ANKRD11: variants seen among roughly 807,000 people sequenced by gnomAD.
ANKRD11 encodes the protein ankyrin repeat domain-containing protein 11.
In ANKRD11, 17 loss-of-function variants were observed where a neutral mutation model predicts 195.7. The observed-to-expected ratio is 0.09, with a 90% CI of 0.06 to 0.13. The LOEUF is 0.13. Among genes scored for constraint, ANKRD11 ranks in the 10% least tolerant of loss-of-function variants. The pLI is 1.00. For missense variants in ANKRD11, 3,735 were observed against 3,566.1 expected, an observed-to-expected ratio of 1.05 and a Z score of -1.21; for synonymous variants, 1,953 against 1,528.1, an observed-to-expected ratio of 1.28 and a Z score of -6.49.
intron 1 of ANKRD11, among the ~76,000 whole-genome samples, chr16:89,468,671 C>T (rs1157011614): frequency 6.6e-6 from 1 of 152,122 alleles, no homozygotes; most frequent in Non-Finnish European, 1.5e-5. Context: ...CGCGCCACTG[C>T]ACTCCAGCCT....
intron 2 of ANKRD11, among the ~76,000 whole-genome samples, chr16:89,387,692 G>GAAAAAAAA (rs920498026): frequency 1.5e-5 from 1 of 67,494 alleles, no homozygotes; most frequent in Non-Finnish European, 3.1e-5. Context: ...AAAAGAAAAA[G>GAAAAAAAA]AAAAAAAAAA....
chr16:89,427,901 T>TAAA (rs1198673082), intron 1 of ANKRD11, among the ~76,000 whole-genome samples: 1 of 152,152 alleles, frequency 6.6e-6, no homozygotes, highest in African/African-American at 2.4e-5. Context: ...ACAGTTTTTT[T>TAAA]AAACTCTTTA....
chr16:89,293,844 C>T (rs1486952345), intron 4 of ANKRD11, among the ~76,000 whole-genome samples: 2 of 152,058 alleles, frequency 1.3e-5, no homozygotes, highest in South Asian at 2.1e-4. Context: ...ATCAAAGGAC[C>T]CTAGGAGGCG....
chr16:89,347,805 AC>A (rs1274182358), intron 2 of ANKRD11, among the ~76,000 whole-genome samples: 2 of 152,176 alleles, frequency 1.3e-5, no homozygotes. Flanking sequence ...ATTAGGAAAA[AC>A]ATATTCAGTT....
At chr16:89,321,480 G>A (rs1361750148) in intron 2 of ANKRD11, among the ~76,000 whole-genome samples, 3 of 150,878 alleles carry the variant, frequency 2.0e-5, no homozygotes, top group Non-Finnish European at 4.4e-5. Context: ...CTGTGGGGCC[G>A]GGTGGGGAGC....
intron 2 of ANKRD11, among the ~76,000 whole-genome samples, chr16:89,332,009 G>A (rs1357810815): frequency 6.6e-6 from 1 of 152,080 alleles, no homozygotes; most frequent in Non-Finnish European, 1.5e-5. Flanking sequence ...AAACTCAGTA[G>A]CATGCAGTGG....
chr16:89,368,078 A>C (rs1229453540), intron 2 of ANKRD11, among the ~76,000 whole-genome samples: 1 of 152,232 alleles, frequency 6.6e-6, no homozygotes, highest in African/African-American at 2.4e-5. Context: ...AACCCTGTTT[A>C]TCTGATTTCT....
intron 1 of ANKRD11, among the ~76,000 whole-genome samples, chr16:89,471,621 C>A (rs111471343): frequency 0.036 from 5,395 of 151,782 alleles, 343 homozygotes; most frequent in African/African-American, 0.12. Context: ...CTCCTCTCTA[C>A]TAAAAATACA....
chr16:89,425,489 A>G (rs2042679838), intron 1 of ANKRD11, among the ~76,000 whole-genome samples: 1 of 152,218 alleles, frequency 6.6e-6, no homozygotes, highest in African/African-American at 2.4e-5. Context: ...AGACACAGCC[A>G]ATTGGATTCC....
chr16:89,338,046 C>A (rs1409225464), intron 2 of ANKRD11, among the ~76,000 whole-genome samples: 3 of 152,228 alleles, frequency 2.0e-5, no homozygotes, highest in African/African-American at 7.2e-5. Context: ...ACTCCCTACA[C>A]ACCAGGACCA....
At chr16:89,402,445 C>T (rs1382093279) in intron 2 of ANKRD11, among the ~76,000 whole-genome samples, 3 of 151,930 alleles carry the variant, frequency 2.0e-5, no homozygotes, top group Non-Finnish European at 4.4e-5. Flanking sequence ...ATGAGGAAGC[C>T]GAGGCGGGAA....
intron 2 of ANKRD11, among the ~76,000 whole-genome samples, chr16:89,383,809 A>G (rs931934647): frequency 6.6e-6 from 1 of 152,226 alleles, no homozygotes; most frequent in Non-Finnish European, 1.5e-5. Context: ...GATAGCACCC[A>G]GAGGGCAAAG....
intron 1 of ANKRD11, among the ~76,000 whole-genome samples, chr16:89,477,929 G>T (rs1168558416): frequency 6.6e-6 from 1 of 152,138 alleles, no homozygotes; most frequent in African/African-American, 2.4e-5. Context: ...CTGCACTCCA[G>T]TCTGGGGACA....
At chr16:89,344,113 T>C (rs1007858704) in intron 2 of ANKRD11, among the ~76,000 whole-genome samples, 7 of 152,254 alleles carry the variant, frequency 4.6e-5, no homozygotes, top group African/African-American at 1.2e-4. Context: ...TCCTCATCTA[T>C]AGGCTGGGAA....
intron 2 of ANKRD11, among the ~76,000 whole-genome samples, chr16:89,371,937 G>A (rs893741359): frequency 3.9e-5 from 6 of 152,204 alleles, no homozygotes; most frequent in South Asian, 2.1e-4. Flanking sequence ...TACAGAACAG[G>A]AGGCTGCTCC....
intron 2 of ANKRD11, among the ~76,000 whole-genome samples, chr16:89,401,295 T>G (rs1484657078): frequency 1.3e-5 from 2 of 152,026 alleles, no homozygotes; most frequent in African/African-American, 4.8e-5. Context: ...GCCAGGCTGG[T>G]CTCGAACTCC....
In ANKRD11 at chr16:89,402,849, G is replaced by A. The variant is rs551834965; in HGVS notation, c.-60+15435C>T. Among the ~76,000 whole-genome samples, 143 of 151,286 alleles carry A rather than the reference G, an allele frequency of 9.5e-4. 1 individual carries two copies. The highest frequency in any genetic ancestry group is 2.1e-3 in the South Asian group (10 of 4,754). ...GGCGGCACTGCGGGAGGAGGTGGGC[G>A]GGGTGGGGCCTGCAGACCCTCCAGG... On this transcript the variant is annotated intron_variant, in intron 2 of 12. Transcript: ENST00000301030.
Position 89,283,418 on chromosome 16 carries a change from TTGA to T in ANKRD11, c.3121_3123del (p.Ser1041del). 2 of 1,614,176 alleles carry T rather than the reference TTGA, an allele frequency of 1.2e-6. No individual in the cohort carries two copies. The highest frequency in any genetic ancestry group is 1.7e-6 in the Non-Finnish European group (2 of 1,180,050). ...TTGTCCTTCTGACATTTTTCCAGGA[TTGA>T]TTTCTCACTTTTGTCCTTGTCACTG... On this transcript the variant is annotated inframe_deletion, in exon 9 of 13. Coordinates refer to ENST00000301030, the MANE Select transcript of ANKRD11 (RefSeq NM_013275.6). The surrounding 1 kb of genome is among the most constrained non-coding windows in gnomAD (Gnocchi z 4.3).
intron 2 of ANKRD11, among the ~76,000 whole-genome samples, chr16:89,372,016 A>C (rs2040214178): frequency 6.6e-6 from 1 of 152,222 alleles, no homozygotes; most frequent in South Asian, 2.1e-4. Flanking sequence ...ACGGGCCAAG[A>C]ACATGGTGAA....
Sources: gnomAD v4.1 joint callset for allele counts (sites outside exome capture counted in the v4.1 genomes callset) on GRCh38, gnomAD v4.1.1 for gene constraint, Gnocchi (gnomAD v3.1) non-coding constraint, MANE v1.5 for transcripts, NCBI Gene and HGNC (gene_info 2026-07-23, HGNC 2026-07-21) for gene names.